The following FAM168B variants were observed in gnomAD, a reference collection of about 807,000 sequenced individuals.
FAM168B encodes the protein myelin-associated neurite-outgrowth inhibitor.
Under a neutral mutation model 21.8 loss-of-function variants are expected in FAM168B, and 19 were observed. The ratio of observed to expected loss-of-function variants is 0.87; its 90% CI spans 0.61 to 1.28. The LOEUF (loss-of-function observed/expected upper bound fraction) is 1.28, where lower values mean the gene tolerates loss of function less well. Ranked by LOEUF, FAM168B falls within the 50% of genes most tolerant of loss-of-function variation. FAM168B has a pLI of 0.00. For synonymous variants in FAM168B, 126 were observed against 104.8 expected (o/e 1.20, Z -1.24); for missense variants, 233 against 263.1 (o/e 0.89, Z 0.79).
At chr2:131,081,484 A>G (rs138982832) in intron 2 of FAM168B, among the ~76,000 whole-genome samples, 13 of 152,336 alleles carry the variant, frequency 8.5e-5, no homozygotes, top group African/African-American at 2.2e-4. Context: ...CCTGGGGAGT[A>G]TAATACAAGC....
chr2:131,053,338 C>T (rs991385647), intron 5 of FAM168B, among the ~76,000 whole-genome samples: 9 of 152,214 alleles, frequency 5.9e-5, no homozygotes, highest in Non-Finnish European at 1.2e-4. Context: ...CTGACACATG[C>T]TACAATATAG....
chr2:131,091,249 G>C (rs922351817), intron 1 of FAM168B, among the ~76,000 whole-genome samples: 1 of 152,120 alleles, frequency 6.6e-6, no homozygotes, highest in Non-Finnish European at 1.5e-5. Flanking sequence ...TGAGGCAGGA[G>C]AATCACTTGA....
intron 3 of FAM168B, 53 bp from the exon 4 acceptor site, chr2:131,055,748 G>C (rs1691986203): frequency 6.3e-7 from 1 of 1,590,582 alleles, no homozygotes; most frequent in Non-Finnish European, 8.6e-7. Flanking sequence ...CCAGGCGCAG[G>C]GAGAGGACAC....
intron 2 of FAM168B, among the ~76,000 whole-genome samples, chr2:131,081,841 T>TG (rs1693448150): frequency 6.6e-6 from 1 of 152,222 alleles, no homozygotes; most frequent in Non-Finnish European, 1.5e-5. Context: ...TCTTACCTCC[T>TG]GCAAGTTCAG....
chr2:131,084,746 T>C (rs1398804038), intron 1 of FAM168B, among the ~76,000 whole-genome samples: 1 of 152,098 alleles, frequency 6.6e-6, no homozygotes, highest in East Asian at 1.9e-4. Context: ...CAGGGTATTA[T>C]TTACTTTTAT....
chr2:131,056,026 A>C (rs746958344), intron 3 of FAM168B, among the ~76,000 whole-genome samples: 5 of 152,232 alleles, frequency 3.3e-5, no homozygotes, highest in Non-Finnish European at 7.3e-5. Flanking sequence ...TCCTGGGGCT[A>C]AACTTGGCAT....
At chr2:131,090,305 C>T (rs1449161807) in intron 1 of FAM168B, among the ~76,000 whole-genome samples, 4 of 132,416 alleles carry the variant, frequency 3.0e-5, no homozygotes, top group African/African-American at 2.9e-5. Context: ...GGCGACAAAG[C>T]GAGACTCTTG....
At chr2:131,086,344 GTCACA>G (rs2105587763) in intron 1 of FAM168B, among the ~76,000 whole-genome samples, 1 of 152,280 alleles carries the variant, frequency 6.6e-6, no homozygotes, top group South Asian at 2.1e-4. Flanking sequence ...AAAATGGCAA[GTCACA>G]ATCTCTTCTG....
In FAM168B at chr2:131,055,739, C is replaced by G. The variant is rs779088829; in HGVS notation, c.155-44G>C. On this transcript the variant is annotated intron_variant, in intron 3 of 6. Transcript: ENST00000389915. ...TGGCCTGAGTTCACCCAAGCCGGTC[C>G]AGGCGCAGGGAGAGGACACAGGCAG... 3 of 1,599,738 alleles carry G rather than the reference C, an allele frequency of 1.9e-6. No individual in the cohort carries two copies. The African/African-American group carries it at 4.0e-5, about 21-fold the overall frequency.
Position 131,049,540 on chromosome 2 carries a change from AAATGCTC to A in FAM168B, c.*2918_*2924del. On this transcript the variant is annotated 3_prime_UTR_variant, in exon 7 of 7. Coordinates refer to ENST00000389915, the MANE Select transcript of FAM168B (RefSeq NM_001009993.4). ...AGTTCATGGGTCACTGGCTCACACT[AAATGCTC>A]AGCCGCCAGCACAGATCCAAACAAG... The A allele has an allele frequency of 3.0e-6, 3 of 985,446 alleles. No homozygotes were observed. The highest frequency in any genetic ancestry group is 3.6e-6 in the Non-Finnish European group (3 of 829,952). 61.0% of individuals were successfully genotyped at this position (985,446 alleles called of 1,614,324 possible).
chr2:131,072,375 C>T (rs1035243660), intron 2 of FAM168B, among the ~76,000 whole-genome samples: 3 of 152,256 alleles, frequency 2.0e-5, no homozygotes, highest in South Asian at 2.1e-4. Flanking sequence ...CCACCCGCCT[C>T]GGCCTCCCAA....
At chr2:131,074,726 A>AG (rs780402682) in intron 2 of FAM168B, among the ~76,000 whole-genome samples, 47 of 152,226 alleles carry the variant, frequency 3.1e-4, no homozygotes, top group African/African-American at 1.1e-3. Flanking sequence ...AGGTAAAAAC[A>AG]GGGGGGATCT....
intron 2 of FAM168B, among the ~76,000 whole-genome samples, chr2:131,072,588 A>G (rs561192276): frequency 3.0e-4 from 45 of 152,098 alleles, no homozygotes; most frequent in South Asian, 1.5e-3. Flanking sequence ...CCTTCCGAGT[A>G]GCTGGGATTA....
intron 1 of FAM168B, among the ~76,000 whole-genome samples, chr2:131,087,182 C>G (rs537124345): frequency 6.6e-6 from 1 of 151,314 alleles, no homozygotes; most frequent in African/African-American, 2.4e-5. Flanking sequence ...TAAAGGGCAG[C>G]GTTAGGCCAG....
chr2:131,064,944 C>A (rs1263823350), intron 3 of FAM168B, among the ~76,000 whole-genome samples: 2 of 152,108 alleles, frequency 1.3e-5, no homozygotes, highest in African/African-American at 4.8e-5. Context: ...ATCAAAGACA[C>A]CAGATAAGTA....
At chr2:131,072,145 CAG>C (rs1349465703) in intron 2 of FAM168B, among the ~76,000 whole-genome samples, 3 of 152,280 alleles carry the variant, frequency 2.0e-5, no homozygotes, top group African/African-American at 7.2e-5. Context: ...TCTTTTGAGA[CAG>C]AGTTTCACTT....
intron 3 of FAM168B, among the ~76,000 whole-genome samples, chr2:131,056,557 G>A (rs75132519): frequency 0.014 from 2,189 of 152,228 alleles, 55 homozygotes; most frequent in African/African-American, 0.049. Context: ...AAGCAGTTAG[G>A]TGTCCCTTCC....
chr2:131,049,865 T>G lies in FAM168B; in HGVS notation c.*2600A>C. 2.0e-6 allele frequency: 2 copies of G among 985,802 alleles called. No homozygotes were observed. The highest frequency in any genetic ancestry group is 2.4e-6 in the Non-Finnish European group (2 of 829,948). 61.1% of individuals were successfully genotyped at this position (985,802 alleles called of 1,614,324 possible). A position where few individuals can be genotyped will look rare whatever the true frequency, so the allele number is the denominator to read the frequency against. ...TTTTGACCCAAGTTCTATTTCTTAATTGACTTTAATTTTACTAGAAGCGAA... is the reference window on the plus strand; with the variant it reads ...TTTTGACCCAAGTTCTATTTCTTAAGTGACTTTAATTTTACTAGAAGCGAA... On this transcript the variant is annotated 3_prime_UTR_variant, in exon 7 of 7. Transcript: ENST00000389915.
intron 1 of FAM168B, among the ~76,000 whole-genome samples, chr2:131,092,245 C>A (rs189550679): frequency 6.6e-6 from 1 of 152,106 alleles, no homozygotes; most frequent in African/African-American, 2.4e-5. Context: ...CCAAAGTAAG[C>A]CTGCTTTGTA....
Sources: gnomAD v4.1 joint callset for allele counts (sites outside exome capture counted in the v4.1 genomes callset) on GRCh38, gnomAD v4.1.1 for gene constraint, MANE v1.5 for transcripts, NCBI Gene and HGNC (gene_info 2026-07-23, HGNC 2026-07-21) for gene names.